The following MANBA variants were observed in gnomAD, a reference collection of about 807,000 sequenced individuals.
MANBA encodes mannosidase beta.
A neutral mutation model predicts 111.1 loss-of-function variants in MANBA; 83 were observed. The observed-to-expected ratio is 0.75, with a 90% CI of 0.63 to 0.90. MANBA has a LOEUF of 0.90. MANBA is among the 40% of genes least tolerant of loss of function. The pLI is 0.00. For missense variants in MANBA, 1,036 were observed against 1,069.0 expected (o/e 0.97, Z 0.43); for synonymous variants, 370 against 378.7 (o/e 0.98, Z 0.27).
intron 4 of MANBA, 197 bp downstream of exon 4, chr4:102,722,674 C>G (rs1722631037): frequency 1.6e-6 from 1 of 616,348 alleles, no homozygotes; most frequent in African/African-American, 1.8e-5. Context: ...AGGAAGAAAA[C>G]TTAGAAAAAG....
intron 1 of MANBA, chr4:102,729,297 C>A (rs2110198110): frequency 2.7e-6 from 2 of 753,524 alleles, no homozygotes; most frequent in Non-Finnish European, 4.9e-6. Context: ...GCTTCCCAGC[C>A]AGCATCTGCA....
intron 1 of MANBA, chr4:102,751,399 C>T (rs1281726255): frequency 4.5e-6 from 2 of 443,834 alleles, no homozygotes; most frequent in East Asian, 5.9e-5. Flanking sequence ...GTACTCCTTG[C>T]CTTGGCTCAG....
In MANBA at chr4:102,689,472, C is replaced by G. The variant is rs900661661; in HGVS notation, c.960+102G>C. 126 of 726,926 alleles carry G rather than the reference C, an allele frequency of 1.7e-4. 1 individual carries two copies. The African/African-American group carries it at 2.1e-3, about 12-fold the overall frequency. 45.0% of individuals were successfully genotyped at this position (726,926 alleles called of 1,614,324 possible). On this transcript the variant is annotated intron_variant, in intron 7 of 16. Coordinates refer to ENST00000647097, the MANE Select transcript of MANBA (RefSeq NM_005908.4). The stretch of plus-strand genomic sequence containing the variant: ...AAAGATGATCTCTGATGGGTGGGGA[C>G]ACAAGAGTTTTGACGGTTTCTTCTT...
rs113027288 is a variant in MANBA, at chr4:102,656,699, T to C, written c.1704+983A>G. On this transcript the variant is annotated intron_variant, in intron 12 of 16. Transcript: ENST00000647097. ...ACACAAATGTCCATCAACTGATAAA[T>C]AGATAAACAAAACGTAGTGTATATC... Among the ~76,000 whole-genome samples, 64 of 152,216 alleles carry C rather than the reference T, an allele frequency of 4.2e-4. 2 individuals carry two copies. The highest frequency in any genetic ancestry group is 1.3e-3 in the African/African-American group (53 of 41,532).
At chr4:102,691,941 A>G (rs1732495230) in intron 5 of MANBA, among the ~76,000 whole-genome samples, 1 of 152,182 alleles carries the variant, frequency 6.6e-6, no homozygotes, top group Non-Finnish European at 1.5e-5. Flanking sequence ...GCAATGCCAT[A>G]ACAAGGAAAA....
At chr4:102,642,641 C>T (rs1443643491) in intron 13 of MANBA, among the ~76,000 whole-genome samples, 1 of 152,084 alleles carries the variant, frequency 6.6e-6, no homozygotes, top group East Asian at 1.9e-4. Flanking sequence ...CTATTCTCAG[C>T]AGCTTGCTTG....
chr4:102,727,252 T>G (rs958930969), intron 1 of MANBA: 4 of 479,056 alleles, frequency 8.3e-6, no homozygotes, highest in Non-Finnish European at 1.5e-5. Flanking sequence ...GTTTCATGTT[T>G]CTGTGTGGTC....
chr4:102,631,985 G>T lies in MANBA; in HGVS notation c.*72C>A. The T allele has an allele frequency of 1.6e-6, 2 of 1,283,496 alleles. No individual in the cohort carries two copies. The highest frequency in any genetic ancestry group is 1.2e-5 in the South Asian group (1 of 83,744). The allele number at this position is 1,283,496 out of a possible 1,614,324, so 79.5% of individuals were successfully genotyped here. On this transcript the variant is annotated 3_prime_UTR_variant, in exon 17 of 17. Coordinates refer to ENST00000647097, the MANE Select transcript of MANBA (RefSeq NM_005908.4). ...CTCGGCTTCTCTCCTTGTCTCTGTT[G>T]CCTTCCTCTCCAGTCGGTGCTTTAG...
chr4:102,690,742 T>C lies in MANBA; in HGVS notation c.703A>G (p.Ile235Val). The change falls in exon 6 of 17, where the codon ATA becomes GTA. Residue 235 changes from isoleucine (I) to valine (V), a missense_variant. By Grantham distance (29) the Ile-to-Val change is conservative. Transcript: ENST00000647097. ...DKSAQEWNLE[I>V]ESTFDVVSSK... Reference sequence around the variant, plus strand: ...CTGACAACATCAAATGTAGACTCTATTTCCAGATTCCACTCCTGGGCACTC... The same window carrying C: ...CTGACAACATCAAATGTAGACTCTACTTCCAGATTCCACTCCTGGGCACTC... The C allele has an allele frequency of 1.3e-6, 2 of 1,583,462 alleles. No homozygotes were observed. Among genetic ancestry groups the C allele is most frequent in the East Asian group, 2.3e-5 (1 of 43,948 alleles).
At chr4:102,687,945 C>T (rs139037618) in intron 7 of MANBA, among the ~76,000 whole-genome samples, 2 of 152,246 alleles carry the variant, frequency 1.3e-5, no homozygotes, top group African/African-American at 4.8e-5. Context: ...TGCATTAACT[C>T]AAGGTGTGGG....
In MANBA at chr4:102,674,097, A is replaced by G. The variant is rs1444555031; in HGVS notation, c.961-27T>C. On this transcript the variant is annotated intron_variant, in intron 7 of 16. Transcript: ENST00000647097. ...TGCAATGAACAGAATTAAATGATGA[A>G]TATCAAATTTAAACATAAGCAAAAT... The G allele has an allele frequency of 7.8e-6, 12 of 1,546,030 alleles. No individual in the cohort carries two copies. The East Asian group carries it at 2.5e-4, about 32-fold the overall frequency.
At chr4:102,644,553 C>T (rs962322371) in intron 13 of MANBA, among the ~76,000 whole-genome samples, 3 of 151,914 alleles carry the variant, frequency 2.0e-5, no homozygotes, top group African/African-American at 7.3e-5. Flanking sequence ...CTCACGTATA[C>T]ATGGAATTGA....
chr4:102,713,538 G>A (rs996149270), intron 5 of MANBA, among the ~76,000 whole-genome samples: 138 of 152,272 alleles, frequency 9.1e-4, no homozygotes, highest in Non-Finnish European at 4.9e-4. Context: ...AGATTTCTGA[G>A]GTTCTATTTC....
chr4:102,690,162 G>A (rs746100346), intron 6 of MANBA, among the ~76,000 whole-genome samples: 4 of 152,050 alleles, frequency 2.6e-5, no homozygotes, highest in South Asian at 2.1e-4. Flanking sequence ...AAAATAATCC[G>A]TTCTACCTTG....
rs745495496 is a variant in MANBA, at chr4:102,643,492, C to T, written c.1870-3635G>A. ...ATTAACAAACTGTTTACCGCAGCAG[C>T]TGAACTGTTTTACATTCCCACCAGC... On this transcript the variant is annotated intron_variant, in intron 13 of 16. Transcript: ENST00000647097. Among the ~76,000 whole-genome samples, 39 of 152,182 alleles carry T rather than the reference C, an allele frequency of 2.6e-4. 1 individual carries two copies. Among genetic ancestry groups the T allele is most frequent in the Admixed American group, 2.4e-3 (36 of 15,282 alleles).
At chr4:102,746,323 A>C (rs920272103) in intron 1 of MANBA, among the ~76,000 whole-genome samples, 3 of 152,184 alleles carry the variant, frequency 2.0e-5, no homozygotes, top group Non-Finnish European at 4.4e-5. Context: ...TCAGCCACTC[A>C]CATGATAAGA....
chr4:102,716,747 TG>T (rs1224576761), intron 4 of MANBA, among the ~76,000 whole-genome samples: 4 of 152,226 alleles, frequency 2.6e-5, no homozygotes, highest in South Asian at 4.1e-4. Flanking sequence ...ATACATTTTA[TG>T]GGGGGAAAAA....
chr4:102,686,153 G>A (rs575637576), intron 7 of MANBA, among the ~76,000 whole-genome samples: 12 of 152,204 alleles, frequency 7.9e-5, no homozygotes, highest in Middle Eastern at 3.4e-3. Flanking sequence ...CAGGCGCTCT[G>A]AGAAAGGATT....
Position 102,653,220 on chromosome 4 carries a change from GCACACACACACACACACACA to G in MANBA, c.1705-2539_1705-2520del, listed in dbSNP as rs71596357. ...CACACGCGCATATGCAGATCTACATGCACACACACACACACACACACACACACACACACACACACACACAC... is the reference window on the plus strand; with the variant it reads ...CACACGCGCATATGCAGATCTACATGCACACACACACACACACACACACAC... On this transcript the variant is annotated intron_variant, in intron 12 of 16. Transcript: ENST00000647097. 2.9e-3 allele frequency among the ~76,000 whole-genome samples: 415 copies of G among 145,600 alleles called. 1 individual carries two copies. The highest frequency in any genetic ancestry group is 6.1e-3 in the African/African-American group (237 of 39,082).
Sources: allele counts gnomAD v4.1 joint callset (sites outside exome capture counted in the v4.1 genomes callset), GRCh38; gene constraint gnomAD v4.1.1; transcripts MANE v1.5; gene names NCBI Gene and HGNC (gene_info 2026-07-23, HGNC 2026-07-21).